Variants in CEP70 observed in about 807,000 individuals in gnomAD.
The protein encoded by CEP70 is centrosomal protein 70, also known as centrosomal protein of 70 kDa.
In CEP70, 70 loss-of-function variants were observed where a neutral mutation model predicts 90.9. That is an observed-to-expected ratio of 0.77 (90% CI 0.64 to 0.94). The LOEUF (loss-of-function observed/expected upper bound fraction) is 0.94, where lower values mean the gene tolerates loss of function less well. Ranked by LOEUF, CEP70 falls within the 40% of genes least tolerant of loss-of-function variation. CEP70 has a pLI of 0.00. For missense variants in CEP70, 648 were observed against 669.0 expected, an observed-to-expected ratio of 0.97 and a Z score of 0.35; for synonymous variants, 220 against 228.3, an observed-to-expected ratio of 0.96 and a Z score of 0.33.
At chr3:138,564,588 G>C (rs898783423) in intron 6 of CEP70, among the ~76,000 whole-genome samples, 1 of 152,096 alleles carries the variant, frequency 6.6e-6, no homozygotes, top group Non-Finnish European at 1.5e-5. Flanking sequence ...CAGAACCAAA[G>C]ACAAAAACCA....
At position 138,570,345 on chromosome 3, in the gene CEP70, A is replaced by T. The variant is rs753630978; in HGVS notation, c.438T>A (p.Asp146Glu). The change falls in exon 6 of 18, where the codon GAT becomes GAA. Residue 146 changes from aspartate to glutamate, a missense_variant. Coordinates refer to ENST00000264982, the MANE Select transcript of CEP70 (RefSeq NM_024491.4). Reference protein sequence around the residue: ...RACHQQNKIKDLQKEQKTLQV... With the variant: ...RACHQQNKIKELQKEQKTLQV... ...GTAAAGTTTTCTGCTCCTTTTGAAG[A>T]TCTTTTATTTTATTCTGTTGGTGGC... 1.2e-5 allele frequency: 19 copies of T among 1,585,664 alleles called. No homozygotes were observed. The highest frequency in any genetic ancestry group is 1.6e-5 in the Non-Finnish European group (19 of 1,171,252).
rs2034411859 is a variant in CEP70 at position 138,500,578 on chromosome 3, A to C, written c.1369-11T>G. ...TGGCATATTGCTGTCCTGTCCAAAA[A>C]AGAGGTAAAAAAGAAAGAGTTCATT... On this transcript the variant is annotated splice_polypyrimidine_tract_variant and intron_variant, in intron 14 of 17. Transcript: ENST00000264982. 6.4e-7 allele frequency: 1 copy of C among 1,570,314 alleles called. No individual in the cohort carries two copies. The highest frequency in any genetic ancestry group is 8.6e-7 in the Non-Finnish European group (1 of 1,167,808).
chr3:138,574,859 C>G (rs1218330203), intron 2 of CEP70, among the ~76,000 whole-genome samples: 1 of 152,146 alleles, frequency 6.6e-6, no homozygotes, highest in Non-Finnish European at 1.5e-5. Context: ...GCTGAGGGAC[C>G]TAACTGTTAG....
intron 2 of CEP70, among the ~76,000 whole-genome samples, chr3:138,573,420 C>T (rs141361935): frequency 6.6e-6 from 1 of 151,082 alleles, no homozygotes; most frequent in East Asian, 1.9e-4. Context: ...GTCAGTCATA[C>T]CTAGACACTA....
At chr3:138,525,586 AAATT>A in intron 10 of CEP70, 22 bp from the exon 11 acceptor site, 1 of 1,119,044 alleles carries the variant, frequency 8.9e-7, no homozygotes, top group South Asian at 2.6e-5. Context: ...AAATAATGAT[AAATT>A]AATTCAATTT....
intron 12 of CEP70, among the ~76,000 whole-genome samples, chr3:138,505,754 G>GA (rs934792999): frequency 2.9e-4 from 44 of 152,096 alleles, no homozygotes; most frequent in Admixed American, 2.0e-4. Context: ...CTGAAGGCAA[G>GA]AAAAAAACCA....
intron 6 of CEP70, among the ~76,000 whole-genome samples, chr3:138,566,767 A>C (rs539408703): frequency 4.3e-4 from 66 of 151,926 alleles, no homozygotes; most frequent in African/African-American, 1.5e-3. Context: ...TATGCAACAA[A>C]CCTGCATGTT....
At chr3:138,519,918 G>C (rs1452613771) in intron 11 of CEP70, among the ~76,000 whole-genome samples, 1 of 152,150 alleles carries the variant, frequency 6.6e-6, no homozygotes, top group African/African-American at 2.4e-5. Context: ...ACCCATCAGT[G>C]TGCTGTATTC....
chr3:138,580,256 C>G (rs2041782361), intron 2 of CEP70, among the ~76,000 whole-genome samples: 1 of 152,118 alleles, frequency 6.6e-6, no homozygotes, highest in South Asian at 2.1e-4. Flanking sequence ...CAAGTACAGT[C>G]CCAGTAGGGC....
chr3:138,527,813 C>CA (rs932032305), intron 10 of CEP70, among the ~76,000 whole-genome samples: 2 of 151,896 alleles, frequency 1.3e-5, no homozygotes, highest in African/African-American at 4.8e-5. Flanking sequence ...CTGGGCTTCC[C>CA]AAAGTGCTGG....
intron 13 of CEP70, among the ~76,000 whole-genome samples, chr3:138,501,532 A>T (rs1417890796): frequency 6.6e-6 from 1 of 152,214 alleles, no homozygotes; most frequent in Non-Finnish European, 1.5e-5. Flanking sequence ...CATAAAGGGA[A>T]TTATACAATA....
intron 6 of CEP70, among the ~76,000 whole-genome samples, chr3:138,554,826 A>G (rs2039877383): frequency 6.6e-6 from 1 of 152,214 alleles, no homozygotes; most frequent in South Asian, 2.1e-4. Flanking sequence ...TGTCGGATGT[A>G]TAGATTGTGA....
chr3:138,546,359 A>G (rs1345792318), intron 6 of CEP70, among the ~76,000 whole-genome samples: 1 of 152,216 alleles, frequency 6.6e-6, no homozygotes, highest in African/African-American at 2.4e-5. Flanking sequence ...ATTTTCAACA[A>G]TTTATTCTCT....
At chr3:138,579,466 C>T (rs935663563) in intron 2 of CEP70, among the ~76,000 whole-genome samples, 3 of 151,618 alleles carry the variant, frequency 2.0e-5, no homozygotes, top group Non-Finnish European at 4.4e-5. Flanking sequence ...TTTCCTTCTG[C>T]TTGAGAAGAC....
intron 11 of CEP70, among the ~76,000 whole-genome samples, chr3:138,515,762 CGT>C (rs2035958102): frequency 6.6e-6 from 1 of 152,038 alleles, no homozygotes; most frequent in Admixed American, 6.6e-5. Context: ...CACATGTGTA[CGT>C]GTGTGTGTGC....
chr3:138,521,020 G>C (rs1272412212), intron 11 of CEP70, among the ~76,000 whole-genome samples: 3 of 152,152 alleles, frequency 2.0e-5, no homozygotes, highest in African/African-American at 7.2e-5. Context: ...ATGTTGGCCG[G>C]GCTGCTCTCC....
intron 6 of CEP70, among the ~76,000 whole-genome samples, chr3:138,554,911 C>T (rs189100958): frequency 2.0e-5 from 3 of 152,178 alleles, no homozygotes; most frequent in East Asian, 1.9e-4. Flanking sequence ...ATAATTGGCA[C>T]GCCACATGTA....
chr3:138,565,749 G>A lies in CEP70; in HGVS notation c.465+4569C>T, dbSNP rs144994029. 4.5e-3 allele frequency among the ~76,000 whole-genome samples: 679 copies of A among 152,196 alleles called. 3 individuals are homozygous for A. Among genetic ancestry groups the A allele is most frequent in the African/African-American group, 0.016 (656 of 41,540 alleles). On this transcript the variant is annotated intron_variant, in intron 6 of 17. Transcript: ENST00000264982. Reference sequence around the variant, plus strand: ...AGAAGAAAACCTAGGCAATACCACTGAGGACACAGGAATGGGCTAAGACTT... The same window carrying A: ...AGAAGAAAACCTAGGCAATACCACTAAGGACACAGGAATGGGCTAAGACTT...
At chr3:138,500,607 T>G in intron 14 of CEP70, 40 bp from the exon 15 acceptor site, 2 of 1,545,528 alleles carry the variant, frequency 1.3e-6, no homozygotes, top group East Asian at 4.5e-5. Context: ...GTTCATTATC[T>G]TAAAATAATC....
Sources: gnomAD v4.1 joint callset for allele counts (sites outside exome capture counted in the v4.1 genomes callset) on GRCh38, gnomAD v4.1.1 for gene constraint, MANE v1.5 for transcripts, NCBI Gene and HGNC (gene_info 2026-07-23, HGNC 2026-07-21) for gene names.